Variants in PTPRG observed in about 807,000 individuals in gnomAD.
The protein encoded by PTPRG is receptor-type tyrosine-protein phosphatase gamma.
PTPRG carries 102 observed loss-of-function variants against 165.3 expected under a neutral mutation model. That is an observed-to-expected ratio of 0.62 (90% CI 0.53 to 0.73). The LOEUF (loss-of-function observed/expected upper bound fraction) is 0.73. Among genes scored for constraint, PTPRG ranks in the 30% least tolerant of loss-of-function variants. PTPRG has a pLI of 0.00. For synonymous variants in PTPRG, 675 were observed against 669.5 expected (o/e 1.01, Z -0.13); for missense variants, 1,866 against 1,861.4 (o/e 1.00, Z -0.05).
At chr3:62,230,062 T>C (rs911822757) in intron 13 of PTPRG, among the ~76,000 whole-genome samples, 3 of 152,216 alleles carry the variant, frequency 2.0e-5, no homozygotes, top group African/African-American at 4.8e-5. Flanking sequence ...TGTAGGACAG[T>C]TGTTGTAGTT....
At chr3:61,713,369 C>T (rs189372717) in intron 1 of PTPRG, among the ~76,000 whole-genome samples, 1 of 146,966 alleles carries the variant, frequency 6.8e-6, no homozygotes, top group East Asian at 2.0e-4. Context: ...GACGGGGTTT[C>T]ACCATGTTGG....
At chr3:62,189,220 C>T (rs1299300189) in intron 8 of PTPRG, among the ~76,000 whole-genome samples, 3 of 152,074 alleles carry the variant, frequency 2.0e-5, no homozygotes, top group Non-Finnish European at 4.4e-5. Context: ...CCGTTTCTGT[C>T]GCACTAAGTG....
intron 6 of PTPRG, among the ~76,000 whole-genome samples, chr3:62,141,265 A>G (rs2106641458): frequency 6.6e-6 from 1 of 152,242 alleles, no homozygotes; most frequent in East Asian, 1.9e-4. Context: ...AATCTAAGAG[A>G]TTCCATTTCT....
intron 3 of PTPRG, among the ~76,000 whole-genome samples, chr3:62,001,423 A>G (rs2041170089): frequency 6.6e-6 from 1 of 152,198 alleles, no homozygotes; most frequent in African/African-American, 2.4e-5. Context: ...AGATGCAATC[A>G]AAACGTTTTG....
intron 1 of PTPRG, among the ~76,000 whole-genome samples, chr3:61,582,875 A>G (rs765304870): frequency 6.6e-6 from 1 of 152,204 alleles, no homozygotes; most frequent in Non-Finnish European, 1.5e-5. Flanking sequence ...CCCTAAAGCA[A>G]TGTGTTGCAG....
At position 62,297,041 on chromosome 3, in the gene PTPRG, C is replaced by T. The variant is rs568784077; in HGVS notation, c.*3734C>T. 2.1e-3 allele frequency: 314 copies of T among 152,118 alleles called. 3 individuals carry two copies. The highest frequency in any genetic ancestry group is 7.1e-3 in the African/African-American group (294 of 41,538). 9.4% of individuals were successfully genotyped at this position (152,118 alleles called of 1,614,324 possible). On this transcript the variant is annotated 3_prime_UTR_variant, in exon 30 of 30. Coordinates refer to ENST00000474889, the MANE Select transcript of PTPRG (RefSeq NM_002841.4). ...AAGCAGCCATTGTTTCTAAAGAATT[C>T]TGGCTTCACATTGACTCATGTTTCT...
At chr3:61,638,136 G>T (rs537098903) in intron 1 of PTPRG, among the ~76,000 whole-genome samples, 1 of 152,200 alleles carries the variant, frequency 6.6e-6, no homozygotes, top group African/African-American at 2.4e-5. Context: ...TTATTTGCAG[G>T]TATTCCCAAG....
At chr3:62,080,756 A>G (rs1319498088) in intron 5 of PTPRG, among the ~76,000 whole-genome samples, 4 of 152,222 alleles carry the variant, frequency 2.6e-5, no homozygotes, top group African/African-American at 9.7e-5. Context: ...GACCAATTAG[A>G]ATTTTAGGCA....
At chr3:61,674,441 C>T (rs112750405) in intron 1 of PTPRG, among the ~76,000 whole-genome samples, 191 of 138,630 alleles carry the variant, frequency 1.4e-3, no homozygotes, top group African/African-American at 4.8e-3. Context: ...CAGCTGAGAT[C>T]GCCCCACTGC....
intron 2 of PTPRG, among the ~76,000 whole-genome samples, chr3:61,955,801 T>A (rs2107632967): frequency 6.6e-6 from 1 of 152,342 alleles, no homozygotes; most frequent in South Asian, 2.1e-4. Context: ...ATGTGTATAC[T>A]GATATACTTG....
At position 62,237,895 on chromosome 3, in the gene PTPRG, A is replaced by G. The variant is rs1341712404; in HGVS notation, c.2376-5912A>G. ...CTGGACTTCCAATCAAACCTTTCTTAGAAATCTTTTGAAGATATATGAGCC... is the reference window on the plus strand; with the variant it reads ...CTGGACTTCCAATCAAACCTTTCTTGGAAATCTTTTGAAGATATATGAGCC... On this transcript the variant is annotated intron_variant, in intron 14 of 29. Coordinates refer to ENST00000474889, the MANE Select transcript of PTPRG (RefSeq NM_002841.4). This position sits in a 1 kb window ranked among gnomAD's most constrained non-coding sequence, Gnocchi z 4.5. Among the ~76,000 whole-genome samples, 1 of 152,232 alleles carries G rather than the reference A, an allele frequency of 6.6e-6. No individual in the cohort carries two copies. Among genetic ancestry groups the G allele is most frequent in the East Asian group, 1.9e-4 (1 of 5,186 alleles).
chr3:61,888,922 G>C (rs1227140526), intron 2 of PTPRG, among the ~76,000 whole-genome samples: 5 of 152,282 alleles, frequency 3.3e-5, no homozygotes, highest in African/African-American at 9.6e-5. Context: ...TCTCAAATTA[G>C]GTTTCCCTGA....
chr3:61,610,891 C>T (rs1701150176), intron 1 of PTPRG, among the ~76,000 whole-genome samples: 1 of 152,028 alleles, frequency 6.6e-6, no homozygotes, highest in Non-Finnish European at 1.5e-5. Context: ...ACTGCACTGT[C>T]TACCTTCTGG....
chr3:62,189,225 T>C (rs934793241), intron 8 of PTPRG, among the ~76,000 whole-genome samples: 2 of 152,108 alleles, frequency 1.3e-5, no homozygotes, highest in South Asian at 4.2e-4. Flanking sequence ...TCTGTCGCAC[T>C]AAGTGAACCT....
intron 1 of PTPRG, among the ~76,000 whole-genome samples, chr3:61,670,417 C>T (rs1020222014): frequency 1.3e-5 from 2 of 152,168 alleles, no homozygotes; most frequent in African/African-American, 4.8e-5. Context: ...CTTAAGAGCA[C>T]CTTGCCTTGT....
chr3:62,102,009 T>G (rs1702304973), intron 5 of PTPRG, among the ~76,000 whole-genome samples: 1 of 152,184 alleles, frequency 6.6e-6, no homozygotes, highest in Non-Finnish European at 1.5e-5. Flanking sequence ...TTTTTCCTAC[T>G]TTGATTGGCA....
At chr3:61,788,755 G>T (rs1196519230) in intron 2 of PTPRG, among the ~76,000 whole-genome samples, 1 of 152,204 alleles carries the variant, frequency 6.6e-6, no homozygotes, top group African/African-American at 2.4e-5. Context: ...CGTTGTAGCT[G>T]TTCAGCTCTG....
intron 2 of PTPRG, among the ~76,000 whole-genome samples, chr3:61,754,364 T>TGTGGCTATAGTAGAG (rs1185520964): frequency 6.6e-6 from 1 of 152,206 alleles, no homozygotes; most frequent in Non-Finnish European, 1.5e-5. Flanking sequence ...AGAGTAGGTA[T>TGTGGCTATAGTAGAG]TACCTGTGTG....
At chr3:61,603,562 C>T (rs1211712685) in intron 1 of PTPRG, among the ~76,000 whole-genome samples, 1 of 152,074 alleles carries the variant, frequency 6.6e-6, no homozygotes, top group East Asian at 1.9e-4. Flanking sequence ...CAATCATGGC[C>T]TAATATAGCT....
Sources: gnomAD v4.1 joint callset for allele counts (sites outside exome capture counted in the v4.1 genomes callset) on GRCh38, gnomAD v4.1.1 for gene constraint, Gnocchi (gnomAD v3.1) non-coding constraint, MANE v1.5 for transcripts, NCBI Gene and HGNC (gene_info 2026-07-23, HGNC 2026-07-21) for gene names.